The following TDRD3 variants were observed in gnomAD, a reference collection of about 807,000 sequenced individuals.
TDRD3 encodes tudor domain-containing protein 3.
A neutral mutation model predicts 86.7 loss-of-function variants in TDRD3; 45 were observed. The ratio of observed to expected loss-of-function variants is 0.52; its 90% confidence interval spans 0.41 to 0.67. TDRD3 has a LOEUF of 0.67. Among genes scored for constraint, TDRD3 ranks in the 30% least tolerant of loss-of-function variants. The pLI is 0.00. For missense variants in TDRD3, 814 were observed against 889.0 expected, an observed-to-expected ratio of 0.92 and a Z score of 1.07; for synonymous variants, 298 against 301.7, an observed-to-expected ratio of 0.99 and a Z score of 0.13.
At chr13:60,457,088 C>T (rs1955693347) in intron 3 of TDRD3, among the ~76,000 whole-genome samples, 1 of 152,044 alleles carries the variant, frequency 6.6e-6, no homozygotes, top group Non-Finnish European at 1.5e-5. Flanking sequence ...CATTACTTCC[C>T]TATGTTTTAA....
At chr13:60,411,184 AC>A (rs1334702785) in intron 1 of TDRD3, among the ~76,000 whole-genome samples, 1 of 152,246 alleles carries the variant, frequency 6.6e-6, no homozygotes, top group African/African-American at 2.4e-5. Flanking sequence ...ATGATAGTTC[AC>A]AATTAAAAGA....
intron 10 of TDRD3, among the ~76,000 whole-genome samples, chr13:60,513,803 C>T (rs1402387052): frequency 6.6e-6 from 1 of 152,196 alleles, no homozygotes; most frequent in African/African-American, 2.4e-5. Context: ...TGAGGCTTCC[C>T]TAGTCATGTG....
At chr13:60,405,772 A>G (rs1464983278) in intron 1 of TDRD3, among the ~76,000 whole-genome samples, 1 of 152,196 alleles carries the variant, frequency 6.6e-6, no homozygotes, top group African/African-American at 2.4e-5. Context: ...AATAGTTTTA[A>G]TCATGATGTG....
chr13:60,398,771 G>GT (rs1954013682), intron 1 of TDRD3, among the ~76,000 whole-genome samples: 1 of 152,344 alleles, frequency 6.6e-6, no homozygotes, highest in African/African-American at 2.4e-5. Flanking sequence ...TGTTGTTACA[G>GT]TTTTTTCGCA....
chr13:60,511,461 C>T (rs1957059523), intron 10 of TDRD3, among the ~76,000 whole-genome samples: 1 of 152,198 alleles, frequency 6.6e-6, no homozygotes, highest in Non-Finnish European at 1.5e-5. Flanking sequence ...GGCAGTGTAG[C>T]ATTTGAGAAA....
intron 1 of TDRD3, among the ~76,000 whole-genome samples, 199 bp downstream of exon 1, chr13:60,397,604 G>A (rs1953960755): frequency 6.8e-6 from 1 of 146,114 alleles, no homozygotes. Flanking sequence ...CCCTGGAGGC[G>A]GCGGCGGCGG....
intron 5 of TDRD3, among the ~76,000 whole-genome samples, chr13:60,474,884 TG>T (rs1481734944): frequency 7.4e-6 from 1 of 135,648 alleles, no homozygotes; most frequent in Admixed American, 7.4e-5. Flanking sequence ...TTTGTCAGAA[TG>T]TTTTTTTTTT....
At chr13:60,542,200 T>A (rs937619999) in intron 12 of TDRD3, among the ~76,000 whole-genome samples, 5 of 152,184 alleles carry the variant, frequency 3.3e-5, no homozygotes, top group African/African-American at 1.2e-4. Context: ...ATAGATACTT[T>A]TAAAGCTATA....
At chr13:60,463,976 C>A (rs572261772) in intron 4 of TDRD3, among the ~76,000 whole-genome samples, 39 of 152,304 alleles carry the variant, frequency 2.6e-4, no homozygotes, top group Admixed American at 1.3e-4. Flanking sequence ...GCCATCCTTG[C>A]AGTGAGTGAG....
At chr13:60,478,699 T>A (rs1413834748) in intron 5 of TDRD3, among the ~76,000 whole-genome samples, 1 of 152,130 alleles carries the variant, frequency 6.6e-6, no homozygotes, top group Admixed American at 6.6e-5. Context: ...TTCACTTAGT[T>A]CTCTGATTTT....
chr13:60,444,778 A>G (rs1955360599), intron 3 of TDRD3, 30 bp downstream of exon 3: 3 of 1,255,306 alleles, frequency 2.4e-6, no homozygotes, highest in Admixed American at 2.8e-5. Context: ...TCTTACATTA[A>G]TTAATTTAGT....
At chr13:60,465,353 C>A (rs532871772) in intron 4 of TDRD3, among the ~76,000 whole-genome samples, 2 of 152,234 alleles carry the variant, frequency 1.3e-5, no homozygotes, top group South Asian at 4.1e-4. Context: ...GAATTGGGAA[C>A]GCTTCTTCAC....
chr13:60,518,943 A>G (rs889625596), intron 10 of TDRD3, among the ~76,000 whole-genome samples: 1 of 151,900 alleles, frequency 6.6e-6, no homozygotes, highest in African/African-American at 2.4e-5. Context: ...TGAATTTTTG[A>G]AAGATGTTAT....
intron 2 of TDRD3, among the ~76,000 whole-genome samples, chr13:60,443,594 G>A (rs1016238023): frequency 6.6e-6 from 1 of 151,944 alleles, no homozygotes; most frequent in African/African-American, 2.4e-5. Context: ...ATAGGAGGAT[G>A]TTTTATTATG....
chr13:60,480,004 G>T (rs1186653016), intron 5 of TDRD3, among the ~76,000 whole-genome samples: 1 of 152,200 alleles, frequency 6.6e-6, no homozygotes, highest in South Asian at 2.1e-4. Flanking sequence ...TACATTCAGG[G>T]TCAATATTGA....
chr13:60,465,501 A>G lies in TDRD3; in HGVS notation c.354-1737A>G, dbSNP rs183754851. 2.6e-3 allele frequency among the ~76,000 whole-genome samples: 395 copies of G among 152,306 alleles called. 4 individuals carry two copies. The highest frequency in any genetic ancestry group is 8.7e-3 in the African/African-American group (361 of 41,572). On this transcript the variant is annotated intron_variant, in intron 4 of 13. Transcript: ENST00000377881. ...TTTGTTTTGTCAGTTGTGATTGATC[A>G]CTAAAAATGATTAAGCTTGGGGCCC...
intron 3 of TDRD3, among the ~76,000 whole-genome samples, chr13:60,447,914 A>T (rs1239737100): frequency 6.6e-6 from 1 of 152,128 alleles, no homozygotes; most frequent in African/African-American, 2.4e-5. Flanking sequence ...GGTGCCTTTG[A>T]AAGGGCCTCA....
intron 7 of TDRD3, among the ~76,000 whole-genome samples, chr13:60,492,922 T>C (rs956825143): frequency 1.5e-4 from 22 of 144,874 alleles, no homozygotes; most frequent in African/African-American, 4.5e-4. Context: ...CTTTTCTTTT[T>C]TTTTTTTTTT....
At chr13:60,474,716 A>T (rs940812592) in intron 5 of TDRD3, among the ~76,000 whole-genome samples, 1 of 152,302 alleles carries the variant, frequency 6.6e-6, no homozygotes, top group African/African-American at 2.4e-5. Flanking sequence ...TTTCCCTTAA[A>T]TGGTTTTTAA....
Sources: gnomAD v4.1 joint callset for allele counts (sites outside exome capture counted in the v4.1 genomes callset) on GRCh38, gnomAD v4.1.1 for gene constraint, MANE v1.5 for transcripts, NCBI Gene and HGNC (gene_info 2026-07-23, HGNC 2026-07-21) for gene names.